Variants in SOS2 observed in about 807,000 individuals in gnomAD.
SOS2 encodes son of sevenless homolog 2.
SOS2 carries 65 observed loss-of-function variants against 148.2 expected under a neutral mutation model. That is an observed-to-expected ratio of 0.44 (90% CI 0.36 to 0.54). SOS2 has a LOEUF of 0.54. SOS2 is among the 20% of genes least tolerant of loss of function. The pLI is 0.00. For synonymous variants in SOS2, 539 were observed against 537.1 expected (o/e 1.00, Z -0.05); for missense variants, 1,341 against 1,590.2 (o/e 0.84, Z 2.67).
At chr14:50,207,620 T>C (rs1886707013) in intron 1 of SOS2, among the ~76,000 whole-genome samples, 1 of 151,368 alleles carries the variant, frequency 6.6e-6, no homozygotes, top group Non-Finnish European at 1.5e-5. Flanking sequence ...AATAAGATTA[T>C]ACAATCACAG....
At chr14:50,224,314 TAC>T (rs71118856) in intron 1 of SOS2, among the ~76,000 whole-genome samples, 1,830 of 100,816 alleles carry the variant, frequency 0.018, 52 homozygotes, top group South Asian at 0.047. Context: ...AATATATATA[TAC>T]ACACACACAC....
rs1883834286 is a variant in SOS2, at chr14:50,130,523, A to C, written c.3315T>G (p.Asp1105Glu). 2 of 1,613,938 alleles carry C rather than the reference A, an allele frequency of 1.2e-6. No homozygotes were observed. The highest frequency in any genetic ancestry group is 2.7e-5 in the African/African-American group (2 of 74,932). ...SASSDLSVFLDVDLNSSCGSN... is the reference protein window; with the variant it reads ...SASSDLSVFLEVDLNSSCGSN... ...TACCACAGGAGCTGTTGAGATCCAC[A>C]TCTAAAAATACACTAAGGTCTGAAG... The change falls in exon 20 of 23, where the codon GAT becomes GAG. Residue 1105 changes from aspartate to glutamate, a missense_variant. Around this residue, in one of 4 missense-constraint regions of SOS2, gnomAD observed 354 missense variants for 347.7 expected, o/e 1.02. Coordinates refer to ENST00000216373, the MANE Select transcript of SOS2 (RefSeq NM_006939.4).
chr14:50,122,579 C>T (rs1474333780), intron 21 of SOS2, among the ~76,000 whole-genome samples: 3 of 151,978 alleles, frequency 2.0e-5, no homozygotes, highest in Non-Finnish European at 1.5e-5. Context: ...TGGTAACAGA[C>T]ACGCACACTC....
At chr14:50,172,218 C>T (rs1885387039) in intron 8 of SOS2, among the ~76,000 whole-genome samples, 1 of 152,072 alleles carries the variant, frequency 6.6e-6, no homozygotes, top group Non-Finnish European at 1.5e-5. Flanking sequence ...TACACATTTA[C>T]TGCCATTTTG....
rs3736759 is a variant in SOS2, at chr14:50,156,939, G to A, written c.2057+60C>T. ...TATATTGAAAACTGACACATAAAAT[G>A]TGTGTGTGTGTGTATATATATGTGT... On this transcript the variant is annotated intron_variant, in intron 12 of 22. Coordinates refer to ENST00000216373, the MANE Select transcript of SOS2 (RefSeq NM_006939.4). 447,902 of 573,240 alleles carry A rather than the reference G, an allele frequency of 0.78. 172,001 individuals are homozygous for A. Among genetic ancestry groups the A allele is most frequent in the East Asian group, 0.86 (23,340 of 27,156 alleles). The allele number at this position is 573,240 out of a possible 1,614,324, so 35.5% of individuals were successfully genotyped here.
chr14:50,201,696 C>T (rs929743445), intron 2 of SOS2, among the ~76,000 whole-genome samples: 7 of 151,960 alleles, frequency 4.6e-5, no homozygotes, highest in Non-Finnish European at 1.0e-4. Context: ...AAGATTAAAG[C>T]GAACATGAAA....
At chr14:50,188,475 T>C in intron 5 of SOS2, 22 bp downstream of exon 5, 1 of 1,537,110 alleles carries the variant, frequency 6.5e-7, no homozygotes, top group Non-Finnish European at 8.9e-7. Flanking sequence ...ACACAGAATT[T>C]CAAACCCAAA....
chr14:50,167,246 A>G (rs948494672), intron 8 of SOS2, among the ~76,000 whole-genome samples: 2 of 152,134 alleles, frequency 1.3e-5, no homozygotes, highest in Admixed American at 1.3e-4. Context: ...GGTCTTTTTT[A>G]AGAGTTGAGA....
At chr14:50,123,709 A>G (rs1365520214) in intron 21 of SOS2, among the ~76,000 whole-genome samples, 1 of 152,078 alleles carries the variant, frequency 6.6e-6, no homozygotes, top group Non-Finnish European at 1.5e-5. Flanking sequence ...GCACAAGTAA[A>G]ACAAGGTCTA....
At chr14:50,133,242 C>CTTTTTCTTTT (rs1883955098) in intron 19 of SOS2, among the ~76,000 whole-genome samples, 1 of 78,816 alleles carries the variant, frequency 1.3e-5, no homozygotes, top group African/African-American at 4.7e-5. Context: ...TTTCTTTTTT[C>CTTTTTCTTTT]TTTTTTCTTT....
chr14:50,138,896 T>C, intron 17 of SOS2, 112 bp from the exon 18 acceptor site: 1 of 420,900 alleles, frequency 2.4e-6, no homozygotes, highest in Non-Finnish European at 4.1e-6. Flanking sequence ...CCTATACTAT[T>C]CAGCAACTCT....
Position 50,182,485 on chromosome 14 carries a change from C to G in SOS2, c.836G>C (p.Ser279Thr), listed in dbSNP as rs766356665. ...TACTTCTGCCAAATCTTCAAAACAGCTGCCAGCTAAGGGATGAGGACTGCT... is the reference window on the plus strand; with the variant it reads ...TACTTCTGCCAAATCTTCAAAACAGGTGCCAGCTAAGGGATGAGGACTGCT... Reference protein sequence around the residue: ...DESSPHPLAGSCFEDLAEEQA... With the variant: ...DESSPHPLAGTCFEDLAEEQA... The change falls in exon 6 of 23, where the codon AGC (serine) becomes ACC (threonine). Residue 279 changes from serine (S) to threonine (T), a missense_variant. Ser to Thr is a moderately conservative substitution (Grantham distance 58). Coordinates refer to ENST00000216373, the MANE Select transcript of SOS2 (RefSeq NM_006939.4). 1.9e-6 allele frequency: 3 copies of G among 1,614,012 alleles called. No homozygotes were observed. The highest frequency in any genetic ancestry group is 2.5e-6 in the Non-Finnish European group (3 of 1,179,956).
intron 21 of SOS2, among the ~76,000 whole-genome samples, chr14:50,128,581 AGAG>A (rs1417042561): frequency 1.3e-5 from 2 of 152,212 alleles, no homozygotes; most frequent in Admixed American, 6.5e-5. Flanking sequence ...ATCCACCATA[AGAG>A]GAGATCAGTA....
chr14:50,122,196 A>G (rs73289759), intron 21 of SOS2, among the ~76,000 whole-genome samples: 4,579 of 152,186 alleles, frequency 0.03, 98 homozygotes, highest in African/African-American at 0.037. Flanking sequence ...GCTAATGGAA[A>G]GGAAGTTCCT....
chr14:50,131,778 T>C (rs952736701), intron 19 of SOS2, among the ~76,000 whole-genome samples: 3 of 152,152 alleles, frequency 2.0e-5, no homozygotes, highest in African/African-American at 7.2e-5. Flanking sequence ...TGTTTACAAA[T>C]TGATAACTCA....
intron 1 of SOS2, among the ~76,000 whole-genome samples, chr14:50,223,965 A>G (rs1350672608): frequency 6.6e-6 from 1 of 152,090 alleles, no homozygotes; most frequent in Non-Finnish European, 1.5e-5. Flanking sequence ...TGGCATCTCC[A>G]AAGGAGGATG....
At chr14:50,167,378 A>C (rs1189243479) in intron 8 of SOS2, among the ~76,000 whole-genome samples, 1 of 151,714 alleles carries the variant, frequency 6.6e-6, no homozygotes, top group Non-Finnish European at 1.5e-5. Flanking sequence ...AAAATAAAAA[A>C]ACAAAAATTA....
Position 50,133,010 on chromosome 14 carries a change from A to G in SOS2, c.3075+1113T>C, listed in dbSNP as rs1221877761. ...TAAAAAAAAAAATTAAAGGGCAACC[A>G]TTTTTCTTCAGTTAATAATGTAAAA... On this transcript the variant is annotated intron_variant, in intron 19 of 22. Transcript: ENST00000216373. Among the ~76,000 whole-genome samples, 2 of 151,828 alleles carry G rather than the reference A, an allele frequency of 1.3e-5. 1 individual carries two copies. The highest frequency in any genetic ancestry group is 4.8e-5 in the African/African-American group (2 of 41,344).
At position 50,118,394 on chromosome 14, in the gene SOS2, G is replaced by A. The variant is rs1883373167; in HGVS notation, c.3949C>T (p.Pro1317Ser). 6.2e-7 allele frequency: 1 copy of A among 1,614,024 alleles called. No individual in the cohort carries two copies. The highest frequency in any genetic ancestry group is 8.5e-7 in the Non-Finnish European group (1 of 1,180,010). ...AGCAAAGGCAGTCTGTACAATGGGG[G>A]GTGCGAAAGCTCCCGTTTGTAAGTC... Reference protein sequence around the residue: ...PKTYKRELSHPPLYRLPLLEN... With the variant: ...PKTYKRELSHSPLYRLPLLEN... Residue 1317 changes from proline to serine, a missense_variant, in exon 23 of 23, where the codon CCC becomes TCC. Around this residue, in one of 4 missense-constraint regions of SOS2, gnomAD observed 354 missense variants for 347.7 expected, o/e 1.02. Coordinates refer to ENST00000216373, the MANE Select transcript of SOS2 (RefSeq NM_006939.4).
Sources: allele counts gnomAD v4.1 joint callset (sites outside exome capture counted in the v4.1 genomes callset), GRCh38; gene constraint gnomAD v4.1.1; regional missense constraint gnomAD v4.1.1; transcripts MANE v1.5; gene names NCBI Gene and HGNC (gene_info 2026-07-23, HGNC 2026-07-21).